The following LRP2 variants were observed in gnomAD, a reference collection of about 807,000 sequenced individuals.
LRP2 encodes the protein LDL receptor related protein 2.
A neutral mutation model predicts 531.0 loss-of-function variants in LRP2; 172 were observed. The ratio of observed to expected loss-of-function variants is 0.32; its 90% CI spans 0.29 to 0.37. The LOEUF (loss-of-function observed/expected upper bound fraction) is 0.37, where lower values mean the gene tolerates loss of function less well. Ranked by LOEUF, LRP2 falls within the 10% of genes least tolerant of loss-of-function variation. LRP2 has a pLI of 1.00. For synonymous variants in LRP2, 1,992 were observed against 2,027.6 expected (o/e 0.98, Z 0.47); for missense variants, 5,167 against 5,868.3 (o/e 0.88, Z 3.90).
chr2:169,330,148 A>C (rs568996529), intron 1 of LRP2, among the ~76,000 whole-genome samples: 310 of 152,306 alleles, frequency 2.0e-3, no homozygotes, highest in Middle Eastern at 3.4e-3. Flanking sequence ...CCCTGGTGCC[A>C]AAAAGCTTGG....
At chr2:169,330,168 C>A in intron 1 of LRP2, among the ~76,000 whole-genome samples, 1 of 152,194 alleles carries the variant, frequency 6.6e-6, no homozygotes. Flanking sequence ...GGGACCGCTG[C>A]CTTAGGGCAT....
rs755371418 is a variant in LRP2 at position 169,239,693 on chromosome 2, T to A, written c.4128A>T (p.Pro1376=). The change falls in exon 26 of 79, where the codon CCA becomes CCT. Residue 1376 remains proline, a synonymous_variant. Transcript: ENST00000649046. ...AATCATTGGCAAGTAAGAATCCCAA[T>A]GGACATAGGCATTTAGCCCCAAAGG... The part of the protein sequence containing the change: ...QEPFGAKCLC[P]LGFLLANDSK... The A allele has an allele frequency of 6.2e-7, 1 of 1,613,856 alleles. No individual in the cohort carries two copies. The highest frequency in any genetic ancestry group is 1.3e-5 in the African/African-American group (1 of 74,930).
chr2:169,144,444 CCGGA>C lies in LRP2; in HGVS notation c.12988+1299_12988+1302del, dbSNP rs543673098. Reference sequence around the variant, plus strand: ...AGCCGCCTTCCCTGAGCATCAGCTGCCGGAGGGAGATGCTTTTCCTTCAGGGGCA... The same window carrying C: ...AGCCGCCTTCCCTGAGCATCAGCTGCGGGAGATGCTTTTCCTTCAGGGGCA... On this transcript the variant is annotated intron_variant, in intron 70 of 78. Transcript: ENST00000649046. Among the ~76,000 whole-genome samples the C allele has an allele frequency of 7.6e-4, 93 of 122,694 alleles. 3 individuals carry two copies. The East Asian group carries it at 0.02, about 26-fold the overall frequency. The allele number at this position is 122,694 out of a possible 152,430, so 80.5% of individuals were successfully genotyped here. A position where few individuals can be genotyped will look rare whatever the true frequency, so the allele number is the denominator to read the frequency against.
intron 4 of LRP2, among the ~76,000 whole-genome samples, chr2:169,300,940 G>A (rs937944974): frequency 1.1e-4 from 16 of 152,010 alleles, no homozygotes; most frequent in Non-Finnish European, 1.0e-4. Flanking sequence ...CCCTCAGCTG[G>A]AGTTTCAGCA....
In LRP2 at chr2:169,174,082, G is replaced by A. The variant is rs772725656; in HGVS notation, c.10851C>T (p.Asn3617=). ...CTTCATCTGAGTTATCCTCACAGTC[G>A]TTAAATGTGTCACACTGCCAGGATT... is the stretch of plus-strand genomic sequence containing the variant. ...IPESWQCDTF[N]DCEDNSDEDS... The change falls in exon 56 of 79, where the codon AAC becomes AAT. Residue 3617 remains asparagine (N), a synonymous_variant. Coordinates refer to ENST00000649046, the MANE Select transcript of LRP2 (RefSeq NM_004525.3). The A allele has an allele frequency of 1.1e-5, 17 of 1,614,192 alleles. No individual in the cohort carries two copies. The highest frequency in any genetic ancestry group is 1.7e-5 in the Admixed American group (1 of 60,026).
In LRP2 at chr2:169,185,556, G is replaced by T; in HGVS notation, c.9792C>A (p.Ile3264=). ...MFLNKTNKET[I]INHRLPAAES... is the part of the protein sequence containing the mutation. ...CTGCAGCTGGTAGTCTGTGGTTTAT[G>T]ATTGTCTCCTTGTTTGTCTTATTCA... The change falls in exon 50 of 79, where the codon ATC becomes ATA. Residue 3264 remains isoleucine (I), a synonymous_variant. Transcript: ENST00000649046. 6.2e-7 allele frequency: 1 copy of T among 1,613,878 alleles called. No individual in the cohort carries two copies. The highest frequency in any genetic ancestry group is 8.5e-7 in the Non-Finnish European group (1 of 1,179,994).
chr2:169,316,545 T>A (rs1363423320), intron 3 of LRP2, among the ~76,000 whole-genome samples: 1 of 152,170 alleles, frequency 6.6e-6, no homozygotes, highest in Non-Finnish European at 1.5e-5. Context: ...AGATAAAATA[T>A]GTAGACTAGC....
intron 12 of LRP2, 89 bp downstream of exon 12, chr2:169,279,283 C>A: frequency 3.1e-6 from 3 of 956,826 alleles, no homozygotes; most frequent in Non-Finnish European, 5.1e-6. Flanking sequence ...TCAGAATGAG[C>A]CTTTGATTAA....
chr2:169,140,375 G>T, intron 72 of LRP2, 80 bp downstream of exon 72: 1 of 1,112,948 alleles, frequency 9.0e-7, no homozygotes, highest in Non-Finnish European at 1.4e-6. Context: ...TCCTGTATTT[G>T]TTTTCCTGGC....
chr2:169,224,086 T>C (rs13389381), intron 33 of LRP2, among the ~76,000 whole-genome samples: 25,328 of 152,208 alleles, frequency 0.17, 3,537 homozygotes, highest in African/African-American at 0.38. Context: ...CTACATAGGC[T>C]GTGTTCTTAG....
At chr2:169,296,253 T>G (rs141436077) in intron 4 of LRP2, among the ~76,000 whole-genome samples, 5 of 152,174 alleles carry the variant, frequency 3.3e-5, no homozygotes, top group Middle Eastern at 3.2e-3. Context: ...GAGTTACATA[T>G]AGTCAATCAT....
intron 16 of LRP2, among the ~76,000 whole-genome samples, chr2:169,269,272 C>A (rs904576276): frequency 1.3e-5 from 2 of 152,034 alleles, no homozygotes; most frequent in African/African-American, 4.8e-5. Flanking sequence ...TCATATGGAA[C>A]CAAAAAAGAG....
At position 169,201,617 on chromosome 2, in the gene LRP2, G is replaced by A; in HGVS notation, c.8452+11C>T. ...ACCCAAAATCACAATAAGCACTTAA[G>A]ATAAACTTACGGCAATTTTTCTCAT... On this transcript the variant is annotated intron_variant, in intron 44 of 78. Transcript: ENST00000649046. The A allele has an allele frequency of 2.5e-6, 4 of 1,614,060 alleles. No individual in the cohort carries two copies. Among genetic ancestry groups the A allele is most frequent in the Non-Finnish European group, 3.4e-6 (4 of 1,180,020 alleles).
At chr2:169,285,233 G>T (rs2105458715) in intron 9 of LRP2, among the ~76,000 whole-genome samples, 1 of 151,856 alleles carries the variant, frequency 6.6e-6, no homozygotes, top group East Asian at 1.9e-4. Flanking sequence ...GAAGTGGGAG[G>T]CTGCAGTGAG....
At chr2:169,157,172 T>C (rs1286696517) in intron 64 of LRP2, among the ~76,000 whole-genome samples, 199 bp downstream of exon 64, 1 of 152,106 alleles carries the variant, frequency 6.6e-6, no homozygotes, top group Non-Finnish European at 1.5e-5. Context: ...TGACAAGCAC[T>C]CAGGTAGGCA....
chr2:169,222,067 A>C (rs976657946), intron 33 of LRP2, among the ~76,000 whole-genome samples: 3 of 152,214 alleles, frequency 2.0e-5, no homozygotes, highest in Non-Finnish European at 4.4e-5. Context: ...GGCAGGAAGG[A>C]ATATTATACA....
rs747101656 is a variant in LRP2, at chr2:169,185,682, G to C, written c.9666C>G (p.Ile3222Met). The change falls in exon 50 of 79, where the codon ATC (isoleucine) becomes ATG (methionine). Residue 3222 changes from isoleucine (I) to methionine (M), a missense_variant. By Grantham distance (10) the Ile-to-Met change is conservative. This residue lies in a region of LRP2 where 1,129 missense variants were observed against 1,362.7 expected (regional missense o/e 0.83). Transcript: ENST00000649046. ...LTIDGYFYSL[I>M]LEGLDNVVAL... The stretch of plus-strand genomic sequence containing the variant: ...CCACAACATTGTCCAGTCCTTCCAA[G>C]ATGAGGGAGTAAAAATAGCCATCTA... The C allele has an allele frequency of 6.2e-7, 1 of 1,614,052 alleles. No homozygotes were observed. The highest frequency in any genetic ancestry group is 8.5e-7 in the Non-Finnish European group (1 of 1,179,998).
At chr2:169,269,395 C>T (rs566035848) in intron 16 of LRP2, among the ~76,000 whole-genome samples, 316 of 152,228 alleles carry the variant, frequency 2.1e-3, no homozygotes, top group Non-Finnish European at 3.8e-3. Context: ...GGTACTGGTA[C>T]CAAAACAGAG....
chr2:169,291,692 C>A (rs941654857), intron 7 of LRP2, among the ~76,000 whole-genome samples: 4 of 76,182 alleles, frequency 5.3e-5, no homozygotes, highest in African/African-American at 1.9e-4. Flanking sequence ...TGGATAGTAG[C>A]TTCTCCTACA....
Sources: allele counts gnomAD v4.1 joint callset (sites outside exome capture counted in the v4.1 genomes callset), GRCh38; gene constraint gnomAD v4.1.1; regional missense constraint gnomAD v4.1.1; transcripts MANE v1.5; gene names NCBI Gene and HGNC (gene_info 2026-07-23, HGNC 2026-07-21).